CFAP77: variants seen among roughly 807,000 people sequenced by gnomAD.
CFAP77 encodes cilia and flagella associated protein 77.
CFAP77 carries 25 observed loss-of-function variants against 31.1 expected under a neutral mutation model. The ratio of observed to expected loss-of-function variants is 0.80; its 90% CI spans 0.59 to 1.12. The LOEUF is 1.12. Ranked by LOEUF, CFAP77 falls within the 50% of genes most tolerant of loss-of-function variation. The pLI is 0.00. For missense variants in CFAP77, 377 were observed against 397.3 expected, an observed-to-expected ratio of 0.95 and a Z score of 0.44; for synonymous variants, 151 against 159.9, an observed-to-expected ratio of 0.94 and a Z score of 0.42.
At chr9:132,473,332 G>A (rs1199078902) in intron 1 of CFAP77, among the ~76,000 whole-genome samples, 1 of 152,146 alleles carries the variant, frequency 6.6e-6, no homozygotes, top group African/African-American at 2.4e-5. Flanking sequence ...TGGGTGCCAG[G>A]CATTCCCTCA....
chr9:132,531,627 G>T (rs527659812), intron 3 of CFAP77, among the ~76,000 whole-genome samples: 7 of 144,270 alleles, frequency 4.9e-5, no homozygotes, highest in Admixed American at 6.9e-5. Context: ...CTAAGACATG[G>T]GGGGGGGGGC....
rs983878124 is a variant in CFAP77, at chr9:132,466,221, G to A, written c.196-32474G>A. On this transcript the variant is annotated intron_variant, in intron 1 of 5. Transcript: ENST00000393216. The stretch of plus-strand genomic sequence containing the variant: ...CTCCTGAGTAGTTGGGATTACAGAC[G>A]TAAGCCTGGCTGACATGAGCATTTT... Among the ~76,000 whole-genome samples, 38 of 152,136 alleles carry A rather than the reference G, an allele frequency of 2.5e-4. 1 individual carries two copies. The highest frequency in any genetic ancestry group is 8.7e-4 in the African/African-American group (36 of 41,410).
chr9:132,435,615 C>T (rs1309193378), intron 1 of CFAP77, among the ~76,000 whole-genome samples: 2 of 152,196 alleles, frequency 1.3e-5, no homozygotes. Context: ...GTTAAAGAAG[C>T]TTCATCGATA....
chr9:132,499,358 C>A lies in CFAP77; in HGVS notation c.296-14C>A. 6.2e-7 allele frequency: 1 copy of A among 1,613,172 alleles called. No individual in the cohort carries two copies. Among genetic ancestry groups the A allele is most frequent in the Non-Finnish European group, 8.5e-7 (1 of 1,179,536 alleles). ...AGGCTGACCACTGCCCCGTGGGTCT[C>A]TCCCTGCCCTCAGCCATCGGACGCT... On this transcript the variant is annotated splice_polypyrimidine_tract_variant and intron_variant, in intron 2 of 5. Coordinates refer to ENST00000393216, the MANE Select transcript of CFAP77 (RefSeq NM_001282957.2). This position sits in a 1 kb window ranked among gnomAD's most constrained non-coding sequence, Gnocchi z 5.4.
At chr9:132,534,004 C>T (rs1443951998) in intron 3 of CFAP77, among the ~76,000 whole-genome samples, 1 of 152,228 alleles carries the variant, frequency 6.6e-6, no homozygotes, top group East Asian at 1.9e-4. Context: ...CAGCATCCCT[C>T]CTAGCATATC....
chr9:132,499,804 G>A lies in CFAP77; in HGVS notation c.524+204G>A, dbSNP rs1851812651. On this transcript the variant is annotated intron_variant, in intron 3 of 5. Coordinates refer to ENST00000393216, the MANE Select transcript of CFAP77 (RefSeq NM_001282957.2). This position sits in a 1 kb window ranked among gnomAD's most constrained non-coding sequence, Gnocchi z 5.4. ...TCCTGGCCTTATAGCAGGGTACCCT[G>A]TAGGGCTGTGCACAGGTCACCCACT... is the stretch of plus-strand genomic sequence containing the variant. Among the ~76,000 whole-genome samples, 1 of 152,158 alleles carries A rather than the reference G, an allele frequency of 6.6e-6. No homozygotes were observed. Among genetic ancestry groups the A allele is most frequent in the South Asian group, 2.1e-4 (1 of 4,832 alleles).
intron 5 of CFAP77, among the ~76,000 whole-genome samples, chr9:132,557,353 G>C (rs904054133): frequency 1.3e-5 from 2 of 152,210 alleles, no homozygotes; most frequent in Non-Finnish European, 2.9e-5. Flanking sequence ...GGTGGAACCA[G>C]AGCCACCGCC....
intron 3 of CFAP77, among the ~76,000 whole-genome samples, chr9:132,503,783 T>C (rs1442523369): frequency 6.6e-6 from 1 of 152,170 alleles, no homozygotes; most frequent in Non-Finnish European, 1.5e-5. Flanking sequence ...GTGCAGTGGC[T>C]CACGCCTGTA....
chr9:132,490,885 C>T lies in CFAP77; in HGVS notation c.196-7810C>T, dbSNP rs111502502. ...GGGGCCACTGTCTGCATGGCGTCTG[C>T]GTGTTCTCCCCGTGTCTGTGTGGGT... On this transcript the variant is annotated intron_variant, in intron 1 of 5. Transcript: ENST00000393216. The surrounding 1 kb of genome is among the most constrained non-coding windows in gnomAD (Gnocchi z 4.6). Among the ~76,000 whole-genome samples, 147 of 152,330 alleles carry T rather than the reference C, an allele frequency of 9.7e-4. No individual in the cohort carries two copies. The highest frequency in any genetic ancestry group is 3.0e-3 in the African/African-American group (123 of 41,574).
chr9:132,471,799 C>T (rs912984927), intron 1 of CFAP77, among the ~76,000 whole-genome samples: 1 of 152,152 alleles, frequency 6.6e-6, no homozygotes, highest in African/African-American at 2.4e-5. Flanking sequence ...CCCCTGGGCT[C>T]AAGCTATCCT....
At chr9:132,464,706 C>T (rs959533840) in intron 1 of CFAP77, among the ~76,000 whole-genome samples, 3 of 152,076 alleles carry the variant, frequency 2.0e-5, no homozygotes, top group African/African-American at 4.8e-5. Context: ...TCCAGCCTGC[C>T]GTGTTTCAAG....
chr9:132,538,376 C>G (rs1852583234), intron 4 of CFAP77, among the ~76,000 whole-genome samples: 1 of 152,232 alleles, frequency 6.6e-6, no homozygotes, highest in Non-Finnish European at 1.5e-5. Flanking sequence ...TGTCCAGACA[C>G]TGCCGATTGC....
At chr9:132,519,564 A>G (rs1211516766) in intron 3 of CFAP77, among the ~76,000 whole-genome samples, 5 of 126,838 alleles carry the variant, frequency 3.9e-5, no homozygotes, top group Non-Finnish European at 5.0e-5. Flanking sequence ...GAATGGATGG[A>G]TGGATGGATA....
At chr9:132,478,354 G>C (rs1295734801) in intron 1 of CFAP77, among the ~76,000 whole-genome samples, 2 of 151,880 alleles carry the variant, frequency 1.3e-5, no homozygotes, top group African/African-American at 4.8e-5. Flanking sequence ...CCTGCACGAG[G>C]CTCACAGGTG....
At position 132,511,484 on chromosome 9, in the gene CFAP77, C is replaced by T. The variant is rs982811886; in HGVS notation, c.524+11884C>T. Among the ~76,000 whole-genome samples the T allele has an allele frequency of 1.3e-5, 2 of 152,224 alleles. No individual in the cohort carries two copies. The highest frequency in any genetic ancestry group is 3.9e-4 in the East Asian group (2 of 5,194). ...CCTGGTGTTGCCCACTCCTCCTTCCCCAGTGCCAAGCATGTGCCTGCCTGG... is the reference window on the plus strand; with the variant it reads ...CCTGGTGTTGCCCACTCCTCCTTCCTCAGTGCCAAGCATGTGCCTGCCTGG... On this transcript the variant is annotated intron_variant, in intron 3 of 5. Transcript: ENST00000393216. This position sits in a 1 kb window ranked among gnomAD's most constrained non-coding sequence, Gnocchi z 5.8.
At chr9:132,438,731 C>T (rs908303913) in intron 1 of CFAP77, among the ~76,000 whole-genome samples, 2 of 150,726 alleles carry the variant, frequency 1.3e-5, no homozygotes, top group African/African-American at 4.9e-5. Context: ...GATGAGGTTT[C>T]ACCATGTTGC....
chr9:132,433,098 C>A (rs181945987), intron 1 of CFAP77, among the ~76,000 whole-genome samples: 1 of 152,162 alleles, frequency 6.6e-6, no homozygotes, highest in African/African-American at 2.4e-5. Flanking sequence ...ATCCACCCCA[C>A]CTTGGCCTCC....
At chr9:132,412,510 G>A (rs1021369200) in intron 1 of CFAP77, among the ~76,000 whole-genome samples, 3 of 152,064 alleles carry the variant, frequency 2.0e-5, no homozygotes, top group South Asian at 2.1e-4. Context: ...GAAATTGACC[G>A]CAAAAGGGAA....
rs1327873056 is a variant in CFAP77 at position 132,446,738 on chromosome 9, C to T, written c.195+36272C>T. On this transcript the variant is annotated intron_variant, in intron 1 of 5. Coordinates refer to ENST00000393216, the MANE Select transcript of CFAP77 (RefSeq NM_001282957.2). ...CCTGGGCGACAGAGCAAAACTCCTC[C>T]GTCTCAAAAAAAAAAAAAAAAAAAA... Among the ~76,000 whole-genome samples the T allele has an allele frequency of 3.2e-5, 4 of 126,188 alleles. No homozygotes were observed. The East Asian group carries it at 6.6e-4, about 21-fold the overall frequency. 82.8% of individuals were successfully genotyped at this position (126,188 alleles called of 152,430 possible).
Sources: allele counts gnomAD v4.1 joint callset (sites outside exome capture counted in the v4.1 genomes callset), GRCh38; gene constraint gnomAD v4.1.1; non-coding constraint Gnocchi (gnomAD v3.1); transcripts MANE v1.5; gene names NCBI Gene and HGNC (gene_info 2026-07-23, HGNC 2026-07-21).